Variants in ARHGAP12 observed in about 807,000 individuals in gnomAD.
The protein encoded by ARHGAP12 is Rho GTPase activating protein 12.
In ARHGAP12, 64 loss-of-function variants were observed where a neutral mutation model predicts 108.6. The observed-to-expected ratio is 0.59, with a 90% CI of 0.48 to 0.73. The LOEUF is 0.73. Ranked by LOEUF, ARHGAP12 falls within the 30% of genes least tolerant of loss-of-function variation. ARHGAP12 has a pLI of 0.00. For synonymous variants in ARHGAP12, 312 were observed against 337.2 expected, an observed-to-expected ratio of 0.93 and a Z score of 0.82; for missense variants, 940 against 1,005.9, an observed-to-expected ratio of 0.93 and a Z score of 0.89.
intron 4 of ARHGAP12, among the ~76,000 whole-genome samples, chr10:31,857,019 T>C (rs1836910890): frequency 6.6e-6 from 1 of 152,218 alleles, no homozygotes; most frequent in African/African-American, 2.4e-5. Context: ...AAATGTATTG[T>C]GGTTTTGCTG....
chr10:31,858,094 C>T (rs117910099), intron 4 of ARHGAP12, among the ~76,000 whole-genome samples: 2 of 152,220 alleles, frequency 1.3e-5, no homozygotes, highest in East Asian at 3.9e-4. Context: ...GTCCCAGCTA[C>T]CTGGGAGTCT....
At chr10:31,883,777 T>A (rs1437963271) in intron 3 of ARHGAP12, among the ~76,000 whole-genome samples, 1 of 151,762 alleles carries the variant, frequency 6.6e-6, no homozygotes, top group South Asian at 2.1e-4. Flanking sequence ...AGTGGCGTGA[T>A]CTCAGCTCAC....
chr10:31,883,234 G>A (rs1838053261), intron 3 of ARHGAP12, among the ~76,000 whole-genome samples: 1 of 152,166 alleles, frequency 6.6e-6, no homozygotes, highest in Non-Finnish European at 1.5e-5. Context: ...GGCGGAGGTT[G>A]TGGTGAGTTG....
intron 8 of ARHGAP12, 101 bp from the exon 9 acceptor site, chr10:31,839,420 T>TCTTAC: frequency 7.8e-7 from 1 of 1,287,890 alleles, no homozygotes; most frequent in Non-Finnish European, 1.1e-6. Context: ...AAATATGGTA[T>TCTTAC]ATAATTTAAT....
rs570126270 is a variant in ARHGAP12, at chr10:31,818,070, G to A, written c.1633-184C>T. 4.6e-5 allele frequency among the ~76,000 whole-genome samples: 7 copies of A among 152,050 alleles called. No homozygotes were observed. The South Asian group carries it at 1.0e-3, about 23-fold the overall frequency. On this transcript the variant is annotated intron_variant, in intron 12 of 19. Transcript: ENST00000344936. ...ACCTTTTTGGTTTACAATAATATCA[G>A]TTGAATAAAAAAACATAAAGTTGTT... is the stretch of plus-strand genomic sequence containing the variant.
chr10:31,827,580 A>G (rs772197143), intron 10 of ARHGAP12, among the ~76,000 whole-genome samples: 1 of 152,152 alleles, frequency 6.6e-6, no homozygotes, highest in African/African-American at 2.4e-5. Context: ...TCATGAGGTC[A>G]GGAGATCGAG....
chr10:31,857,435 G>T (rs1836928127), intron 4 of ARHGAP12, among the ~76,000 whole-genome samples: 1 of 152,154 alleles, frequency 6.6e-6, no homozygotes, highest in South Asian at 2.1e-4. Flanking sequence ...GAGGCACAGA[G>T]AGACATGGAT....
intron 10 of ARHGAP12, among the ~76,000 whole-genome samples, chr10:31,830,614 T>C (rs1835795928): frequency 6.6e-6 from 1 of 152,098 alleles, no homozygotes; most frequent in Non-Finnish European, 1.5e-5. Flanking sequence ...AATAGTTCCA[T>C]GAAAGCAAAC....
chr10:31,807,709 A>T lies in ARHGAP12; in HGVS notation c.2490T>A (p.Asn830Lys). The stretch of plus-strand genomic sequence containing the variant: ...CCAGAAGAATTAATTCTACAATCTG[A>T]TTCTGGTACACAGTATGAACTGCTA... ...GNIAVHTVYQNQIVELILLEL... is the reference protein window; with the variant it reads ...GNIAVHTVYQKQIVELILLEL... Residue 830 changes from asparagine (N) to lysine (K), a missense_variant, in exon 20 of 20, where the codon AAT becomes AAA. Asn to Lys is a moderately conservative substitution (Grantham distance 94). Transcript: ENST00000344936. The T allele has an allele frequency of 1.2e-6, 2 of 1,605,878 alleles. No individual in the cohort carries two copies. Among genetic ancestry groups the T allele is most frequent in the Non-Finnish European group, 1.7e-6 (2 of 1,177,684 alleles).
intron 3 of ARHGAP12, among the ~76,000 whole-genome samples, chr10:31,905,925 G>C (rs972932472): frequency 6.7e-6 from 1 of 149,012 alleles, no homozygotes; most frequent in African/African-American, 2.6e-5. Flanking sequence ...CCCCAAGGAG[G>C]CTCCTCAATG....
Position 31,843,540 on chromosome 10 carries a change from C to A in ARHGAP12, c.1217G>T (p.Ser406Ile), listed in dbSNP as rs1244180257. 6 of 1,611,594 alleles carry A rather than the reference C, an allele frequency of 3.7e-6. No individual in the cohort carries two copies. The highest frequency in any genetic ancestry group is 5.1e-6 in the Non-Finnish European group (6 of 1,179,276). Residue 406 changes from serine (S) to isoleucine (I), a missense_variant, in exon 7 of 20, where the codon AGC becomes ATC. Physicochemically the swap from Ser to Ile is moderately radical, Grantham distance 142. Coordinates refer to ENST00000344936, the MANE Select transcript of ARHGAP12 (RefSeq NM_018287.7). ...TGGTTCTTGCAGCCGCCTGTCCAGG[C>A]TCCTACTTTTAATTATTTCTCTTTG... ...QQQREIIKSRSLDRRLQEPIV... is the reference protein window; with the variant it reads ...QQQREIIKSRILDRRLQEPIV...
intron 1 of ARHGAP12, among the ~76,000 whole-genome samples, chr10:31,920,831 A>G (rs1839777415): frequency 6.6e-6 from 1 of 152,344 alleles, no homozygotes; most frequent in East Asian, 1.9e-4. Flanking sequence ...GCCATGGAAC[A>G]AGCCTCAATA....
intron 10 of ARHGAP12, among the ~76,000 whole-genome samples, chr10:31,830,884 T>G (rs184947820): frequency 6.6e-5 from 10 of 152,316 alleles, no homozygotes; most frequent in Non-Finnish European, 1.5e-5. Context: ...AATCAAAGAA[T>G]TTAACAACAT....
chr10:31,841,463 CAA>C (rs1836263328), intron 7 of ARHGAP12, among the ~76,000 whole-genome samples: 1 of 152,120 alleles, frequency 6.6e-6, no homozygotes, highest in African/African-American at 2.4e-5. Context: ...CCTGGGCTAA[CAA>C]TATTCAATAT....
At chr10:31,880,808 T>A (rs1418666206) in intron 3 of ARHGAP12, among the ~76,000 whole-genome samples, 18 of 152,066 alleles carry the variant, frequency 1.2e-4, no homozygotes, top group Admixed American at 1.2e-3. Flanking sequence ...GGCTCATGCC[T>A]GTAGTCCCAG....
At chr10:31,893,215 TCA>T (rs1441559398) in intron 3 of ARHGAP12, among the ~76,000 whole-genome samples, 1 of 151,940 alleles carries the variant, frequency 6.6e-6, no homozygotes, top group African/African-American at 2.4e-5. Flanking sequence ...GCAAACACAT[TCA>T]AAAGCTTGCA....
chr10:31,856,337 A>G (rs557647470), intron 4 of ARHGAP12, among the ~76,000 whole-genome samples: 1 of 152,284 alleles, frequency 6.6e-6, no homozygotes, highest in Non-Finnish European at 1.5e-5. Flanking sequence ...AGTTTTCAAG[A>G]CCACGCAGGA....
intron 14 of ARHGAP12, among the ~76,000 whole-genome samples, chr10:31,813,296 CCAT>C (rs1187265122): frequency 6.6e-6 from 1 of 151,878 alleles, no homozygotes; most frequent in East Asian, 1.9e-4. Flanking sequence ...AGACATATAA[CCAT>C]CATAACTATT....
chr10:31,862,502 C>A (rs1304750038), intron 3 of ARHGAP12, among the ~76,000 whole-genome samples: 1 of 152,104 alleles, frequency 6.6e-6, no homozygotes, highest in Non-Finnish European at 1.5e-5. Context: ...AGAAAAAAAA[C>A]ACACGTCTGA....
Sources: allele counts gnomAD v4.1 joint callset (sites outside exome capture counted in the v4.1 genomes callset), GRCh38; gene constraint gnomAD v4.1.1; transcripts MANE v1.5; gene names NCBI Gene and HGNC (gene_info 2026-07-23, HGNC 2026-07-21).